SMARCA4: variants seen among roughly 807,000 people sequenced by gnomAD.
SMARCA4 encodes SWI/SNF related BAF chromatin remodeling complex subunit ATPase 4, also known as SWI/SNF-related matrix-associated actin-dependent regulator of chromatin subfamily A member 4.
Under a neutral mutation model 193.9 loss-of-function variants are expected in SMARCA4, and 31 were observed. The observed-to-expected ratio is 0.16, with a 90% CI of 0.12 to 0.22. The LOEUF (loss-of-function observed/expected upper bound fraction) is 0.22. SMARCA4 is among the 10% of genes least tolerant of loss of function. SMARCA4 has a pLI of 1.00. For missense variants in SMARCA4, 1,148 were observed against 2,296.0 expected (o/e 0.50, Z 10.22); for synonymous variants, 942 against 933.1 (o/e 1.01, Z -0.17).
At chr19:10,968,721 G>A (rs1027150400) in intron 1 of SMARCA4, among the ~76,000 whole-genome samples, 1 of 152,200 alleles carries the variant, frequency 6.6e-6, no homozygotes, top group African/African-American at 2.4e-5. Context: ...GGTGGCTGAT[G>A]TGACAGTTGC....
At chr19:11,051,196 C>G (rs2076239557) in intron 30 of SMARCA4, among the ~76,000 whole-genome samples, 1 of 152,208 alleles carries the variant, frequency 6.6e-6, no homozygotes, top group Non-Finnish European at 1.5e-5. Context: ...ACCCCCAAGT[C>G]TCCCCCTCAG....
chr19:10,983,783 A>G, intron 1 of SMARCA4: 1 of 363,468 alleles, frequency 2.8e-6, no homozygotes, highest in South Asian at 3.0e-5. Flanking sequence ...TAGGAAGATA[A>G]GCAAGTGGAG....
chr19:11,012,848 C>T, intron 15 of SMARCA4, 101 bp from the exon 16 acceptor site: 2 of 1,083,408 alleles, frequency 1.8e-6, no homozygotes, highest in Non-Finnish European at 2.8e-6. Flanking sequence ...GTGGCTTAGG[C>T]AGAACTCGTG....
chr19:11,028,492 C>G (rs552692550), intron 24 of SMARCA4, among the ~76,000 whole-genome samples: 2 of 152,332 alleles, frequency 1.3e-5, no homozygotes, highest in South Asian at 4.1e-4. Flanking sequence ...CTGGGCCATT[C>G]GTAGCAGCCC....
At position 10,996,573 on chromosome 19, in the gene SMARCA4, A is replaced by G. The variant is rs770877939; in HGVS notation, c.1812+29A>G. 10 of 1,607,610 alleles carry G rather than the reference A, an allele frequency of 6.2e-6. No individual in the cohort carries two copies. The South Asian group carries it at 1.1e-4, about 18-fold the overall frequency. On this transcript the variant is annotated intron_variant, in intron 11 of 34. Transcript: ENST00000344626. ...AGGAAGCAGGGTTTCTTGTGGAAGT[A>G]TCAAGCTAGCCCTAAGGCGTTGGTC...
At chr19:11,040,756 A>C (rs2075559003) in intron 29 of SMARCA4, 1 of 152,254 alleles carries the variant, frequency 6.6e-6, no homozygotes, top group Admixed American at 6.6e-5. Flanking sequence ...GTATCTACAA[A>C]AAATTTTTTT....
chr19:11,019,165 T>A lies in SMARCA4; in HGVS notation c.2505+142T>A, dbSNP rs2089637461. 1.4e-6 allele frequency: 1 copy of A among 733,762 alleles called. No individual in the cohort carries two copies. Among genetic ancestry groups the A allele is most frequent in the Non-Finnish European group, 2.5e-6 (1 of 405,410 alleles). The allele number at this position is 733,762 out of a possible 1,614,324, so 45.5% of individuals were successfully genotyped here. A position where few individuals can be genotyped will look rare whatever the true frequency, so the allele number is the denominator to read the frequency against. ...TGGAGTCTCCAGGACAGCCTGGAAC[T>A]CCAGTCACATGGATCCGGGAGTTTG... is the stretch of plus-strand genomic sequence containing the variant. On this transcript the variant is annotated intron_variant, in intron 17 of 34. Transcript: ENST00000344626. This position sits in a 1 kb window ranked among gnomAD's most constrained non-coding sequence, Gnocchi z 6.1.
At chr19:10,975,829 A>G (rs1275260438) in intron 1 of SMARCA4, among the ~76,000 whole-genome samples, 4 of 152,198 alleles carry the variant, frequency 2.6e-5, no homozygotes, top group African/African-American at 9.7e-5. Context: ...ACTTCCGGTC[A>G]TTCCTTCTGG....
Position 10,991,226 on chromosome 19 carries a change from G to A in SMARCA4, c.1322G>A (p.Arg441His), listed in dbSNP as rs761519909. The change falls in exon 8 of 35, where the codon CGC (arginine) becomes CAC (histidine). Residue 441 changes from arginine to histidine, a missense_variant. This residue lies in a region of SMARCA4 where 69 missense variants were observed against 186.9 expected (regional missense o/e 0.37). Coordinates refer to ENST00000344626, the MANE Select transcript of SMARCA4 (RefSeq NM_003072.5). Reference protein sequence around the residue: ...ETALNAKAYKRSKRQSLREAR... With the variant: ...ETALNAKAYKHSKRQSLREAR... ...GCCCTCAATGCTAAGGCCTACAAGC[G>A]CAGCAAGCGCCAGTCCCTGCGCGAG... 3 of 1,613,694 alleles carry A rather than the reference G, an allele frequency of 1.9e-6. No homozygotes were observed. Among genetic ancestry groups the A allele is most frequent in the Admixed American group, 1.7e-5 (1 of 59,986 alleles).
At chr19:11,052,227 A>T (rs1366279779) in intron 30 of SMARCA4, among the ~76,000 whole-genome samples, 2 of 152,236 alleles carry the variant, frequency 1.3e-5, no homozygotes, top group African/African-American at 4.8e-5. Context: ...AACATCAACA[A>T]TAGGCAGATT....
Position 11,027,892 on chromosome 19 carries a change from C to A in SMARCA4, c.3324C>A (p.Leu1108=), listed in dbSNP as rs750792793. ...TGCTGTTCTGCCAAATGACCTCCCTCATGACCATCATGGAAGATTACTTTG... is the reference window on the plus strand; with the variant it reads ...TGCTGTTCTGCCAAATGACCTCCCTAATGACCATCATGGAAGATTACTTTG... The part of the protein sequence containing the change: ...KVLLFCQMTS[L]MTIMEDYFAY... Residue 1108 remains leucine, a synonymous_variant, in exon 24 of 35, where the codon CTC becomes CTA. Coordinates refer to ENST00000344626, the MANE Select transcript of SMARCA4 (RefSeq NM_003072.5). The A allele has an allele frequency of 1.2e-5, 19 of 1,614,184 alleles. No homozygotes were observed. The East Asian group carries it at 4.2e-4, about 36-fold the overall frequency.
chr19:11,010,668 G>T lies in SMARCA4; in HGVS notation c.2274+137G>T, dbSNP rs1047003683. The T allele has an allele frequency of 3.6e-6, 3 of 842,992 alleles. No individual in the cohort carries two copies. In the East Asian group the frequency reaches 7.5e-5, roughly 21 times the overall value. 52.2% of individuals were successfully genotyped at this position (842,992 alleles called of 1,614,324 possible). ...TGGGCAATGCACTCTTCCCCTCTGA[G>T]CCTCGGTTTCCCCATGTGTAAAGCA... On this transcript the variant is annotated intron_variant, in intron 15 of 34. Transcript: ENST00000344626.
Position 10,986,744 on chromosome 19 carries a change from G to C in SMARCA4, c.760+151G>C, listed in dbSNP as rs1210784694. ...TGCACTTCTGGGTGCTCGGGTGGTG[G>C]GGGCAGCTAAATGCTGCTTCCCCAG... On this transcript the variant is annotated intron_variant, in intron 4 of 34. Transcript: ENST00000344626. The surrounding 1 kb of genome is among the most constrained non-coding windows in gnomAD (Gnocchi z 6.7). The C allele has an allele frequency of 1.7e-5, 23 of 1,319,434 alleles. No individual in the cohort carries two copies. Among genetic ancestry groups the C allele is most frequent in the Non-Finnish European group, 2.3e-5 (22 of 953,116 alleles). 81.7% of individuals were successfully genotyped at this position (1,319,434 alleles called of 1,614,324 possible).
At chr19:10,992,586 GTTTGTT>G (rs1469254103) in intron 8 of SMARCA4, among the ~76,000 whole-genome samples, 1 of 151,516 alleles carries the variant, frequency 6.6e-6, no homozygotes, top group African/African-American at 2.4e-5. Flanking sequence ...CGCCACACCT[GTTTGTT>G]TTTTTCTTTT....
At chr19:11,026,368 T>C (rs1164799408) in intron 23 of SMARCA4, 22 bp downstream of exon 23, 2 of 1,607,666 alleles carry the variant, frequency 1.2e-6, no homozygotes, top group South Asian at 2.2e-5. Flanking sequence ...CCCAACTGGA[T>C]GGGGTGGGCA....
intron 1 of SMARCA4, among the ~76,000 whole-genome samples, chr19:10,975,586 G>A (rs2085066834): frequency 6.6e-6 from 1 of 151,322 alleles, no homozygotes; most frequent in East Asian, 1.9e-4. Flanking sequence ...TGGAATTGTA[G>A]GCGTGAGCCA....
chr19:10,965,970 GTTTTTTTTTTTTTTTTT>G (rs372236923), intron 1 of SMARCA4, among the ~76,000 whole-genome samples: 9 of 78,982 alleles, frequency 1.1e-4, no homozygotes, highest in East Asian at 5.3e-4. Context: ...TAGTGGCATG[GTTTTTTTTTTTTTTTTT>G]TTTTTTTTTT....
chr19:10,973,981 A>G (rs2084897477), intron 1 of SMARCA4, among the ~76,000 whole-genome samples: 1 of 152,146 alleles, frequency 6.6e-6, no homozygotes, highest in African/African-American at 2.4e-5. Flanking sequence ...GTTCCGCCCA[A>G]GCCTCTGCCA....
chr19:11,001,749 G>A (rs1600121917), intron 11 of SMARCA4, among the ~76,000 whole-genome samples: 1 of 152,182 alleles, frequency 6.6e-6, no homozygotes, highest in Non-Finnish European at 1.5e-5. Context: ...GAGCGCAGCA[G>A]TTTTGCAGGT....
Sources: allele counts gnomAD v4.1 joint callset (sites outside exome capture counted in the v4.1 genomes callset), GRCh38; gene constraint gnomAD v4.1.1; regional missense constraint gnomAD v4.1.1; non-coding constraint Gnocchi (gnomAD v3.1); transcripts MANE v1.5; gene names NCBI Gene and HGNC (gene_info 2026-07-23, HGNC 2026-07-21).